KLHL20: variants seen among roughly 807,000 people sequenced by gnomAD.
The protein encoded by KLHL20 is kelch-like protein 20.
Under a neutral mutation model 69.5 loss-of-function variants are expected in KLHL20, and 29 were observed. That is an observed-to-expected ratio of 0.42 (90% CI 0.31 to 0.57). The LOEUF (loss-of-function observed/expected upper bound fraction) is 0.57, where lower values mean the gene tolerates loss of function less well. Ranked by LOEUF, KLHL20 falls within the 20% of genes least tolerant of loss-of-function variation. The pLI, the probability that KLHL20 is intolerant of heterozygous loss-of-function variation, is 0.18. For synonymous variants in KLHL20, 253 were observed against 265.2 expected (o/e 0.95, Z 0.45); for missense variants, 419 against 776.0 (o/e 0.54, Z 5.47).
At chr1:173,739,151 CA>C in intron 3 of KLHL20, among the ~76,000 whole-genome samples, 1 of 152,202 alleles carries the variant, frequency 6.6e-6, no homozygotes, top group South Asian at 2.1e-4. Context: ...CAGCTCACTG[CA>C]ACCTCCACCT....
intron 3 of KLHL20, 139 bp from the exon 4 acceptor site, chr1:173,751,625 A>G: frequency 1.5e-6 from 1 of 653,042 alleles, no homozygotes; most frequent in Non-Finnish European, 2.5e-6. Context: ...TCTCTTTTCA[A>G]ATTTTTCCTT....
chr1:173,730,469 ATAC>A (rs1672212710), intron 2 of KLHL20, among the ~76,000 whole-genome samples: 2 of 152,106 alleles, frequency 1.3e-5, no homozygotes, highest in Admixed American at 1.3e-4. Flanking sequence ...ACTTCAAACT[ATAC>A]TACAAGGCTA....
intron 2 of KLHL20, among the ~76,000 whole-genome samples, chr1:173,728,264 A>G (rs1269515650): frequency 2.6e-5 from 4 of 152,246 alleles, no homozygotes; most frequent in Non-Finnish European, 4.4e-5. Context: ...AGACCTAGAA[A>G]GAGACTTAGA....
intron 3 of KLHL20, among the ~76,000 whole-genome samples, chr1:173,743,265 A>G (rs1672909063): frequency 6.6e-6 from 1 of 152,058 alleles, no homozygotes; most frequent in Admixed American, 6.5e-5. Context: ...TATTTGAAAA[A>G]TATTCAAATT....
intron 2 of KLHL20, among the ~76,000 whole-genome samples, chr1:173,731,309 C>A (rs1472519130): frequency 1.3e-5 from 2 of 152,200 alleles, no homozygotes; most frequent in East Asian, 3.8e-4. Flanking sequence ...GTCAGTGTGG[C>A]AATTCCTCAG....
intron 10 of KLHL20, chr1:173,781,889 A>C: frequency 2.7e-6 from 1 of 368,172 alleles, no homozygotes; most frequent in Non-Finnish European, 5.0e-6. Flanking sequence ...AGTTTTTCTA[A>C]AATTTAAGAA....
At chr1:173,717,391 C>T (rs564456353) in intron 2 of KLHL20, among the ~76,000 whole-genome samples, 1 of 152,298 alleles carries the variant, frequency 6.6e-6, no homozygotes, top group South Asian at 2.1e-4. Flanking sequence ...AATTCTAGTG[C>T]TGTTAATCGT....
intron 3 of KLHL20, among the ~76,000 whole-genome samples, chr1:173,742,454 G>A (rs1050636290): frequency 3.3e-5 from 5 of 152,026 alleles, no homozygotes; most frequent in African/African-American, 1.2e-4. Context: ...CTGAGAAAGG[G>A]AGAGAGAAGA....
intron 2 of KLHL20, among the ~76,000 whole-genome samples, chr1:173,731,521 G>C (rs1239532551): frequency 6.6e-6 from 1 of 152,120 alleles, no homozygotes; most frequent in Admixed American, 6.5e-5. Context: ...TATACACCAT[G>C]GAATACTATG....
intron 10 of KLHL20, among the ~76,000 whole-genome samples, chr1:173,776,357 C>T (rs1571933397): frequency 1.3e-5 from 2 of 152,008 alleles, no homozygotes; most frequent in South Asian, 4.2e-4. Context: ...GTAGTTTTCT[C>T]CCATTCTGTG....
At chr1:173,746,194 ATAT>A (rs1673052272) in intron 3 of KLHL20, among the ~76,000 whole-genome samples, 1 of 152,188 alleles carries the variant, frequency 6.6e-6, no homozygotes, top group Non-Finnish European at 1.5e-5. Context: ...CTATTCGCTA[ATAT>A]TCAGTATTTT....
intron 2 of KLHL20, among the ~76,000 whole-genome samples, chr1:173,724,064 A>G (rs1671836088): frequency 1.3e-5 from 2 of 152,154 alleles, no homozygotes. Flanking sequence ...GGGCATATGT[A>G]TATACCCATG....
chr1:173,726,307 T>A (rs559428182), intron 2 of KLHL20, among the ~76,000 whole-genome samples: 2 of 151,090 alleles, frequency 1.3e-5, no homozygotes, highest in South Asian at 4.2e-4. Context: ...CTCAGTAGAC[T>A]CCACCTCTGG....
In KLHL20 at chr1:173,752,331, C is replaced by A. The variant is rs181905059; in HGVS notation, c.756+409C>A. 3.2e-3 allele frequency among the ~76,000 whole-genome samples: 493 copies of A among 151,932 alleles called. 4 individuals carry two copies. The highest frequency in any genetic ancestry group is 3.0e-3 in the Non-Finnish European group (203 of 68,006). ...ACTCCACATTCGTCTGTAAGAAAGT[C>A]CATCTGTTTCCAAATAATCAAGGAA... On this transcript the variant is annotated intron_variant, in intron 4 of 11. Coordinates refer to ENST00000209884, the MANE Select transcript of KLHL20 (RefSeq NM_014458.4).
intron 3 of KLHL20, among the ~76,000 whole-genome samples, chr1:173,739,630 C>T (rs940881311): frequency 2.1e-5 from 3 of 143,162 alleles, no homozygotes; most frequent in South Asian, 4.4e-4. Context: ...TCTGTGGTAT[C>T]GGTTGTAATA....
At chr1:173,756,876 T>C (rs546529599) in intron 6 of KLHL20, 100 bp from the exon 7 acceptor site, 2 of 1,061,180 alleles carry the variant, frequency 1.9e-6, no homozygotes, top group Non-Finnish European at 2.7e-6. Flanking sequence ...CTAGAGACAT[T>C]TGGTGAGTCT....
intron 3 of KLHL20, chr1:173,741,984 TA>T (rs917127150): frequency 4.2e-5 from 26 of 623,902 alleles, no homozygotes; most frequent in South Asian, 9.3e-5. Context: ...ACATTTTGGA[TA>T]AAAAAAATTG....
rs1673517600 is a variant in KLHL20 at position 173,755,624 on chromosome 1, G to A, written c.852-299G>A. Reference sequence around the variant, plus strand: ...TAAAAAGTAGTAACTCTGCAGTGTGGTAATCAAATTGTAATTTTTACTTTT... The same window carrying A: ...TAAAAAGTAGTAACTCTGCAGTGTGATAATCAAATTGTAATTTTTACTTTT... On this transcript the variant is annotated intron_variant, in intron 5 of 11. Coordinates refer to ENST00000209884, the MANE Select transcript of KLHL20 (RefSeq NM_014458.4). Among the ~76,000 whole-genome samples the A allele has an allele frequency of 2.0e-5, 3 of 152,146 alleles. No homozygotes were observed. The South Asian group carries it at 6.2e-4, about 31-fold the overall frequency.
chr1:173,741,133 A>G (rs1036949207), intron 3 of KLHL20, among the ~76,000 whole-genome samples: 7 of 152,114 alleles, frequency 4.6e-5, no homozygotes, highest in African/African-American at 2.4e-5. Flanking sequence ...CCCTTCTCAT[A>G]CTTTTGGGCA....
Sources: gnomAD v4.1 joint callset for allele counts (sites outside exome capture counted in the v4.1 genomes callset) on GRCh38, gnomAD v4.1.1 for gene constraint, MANE v1.5 for transcripts, NCBI Gene and HGNC (gene_info 2026-07-23, HGNC 2026-07-21) for gene names.